GREB1L: variants seen among roughly 807,000 people sequenced by gnomAD.
The protein encoded by GREB1L is GREB1-like protein.
In GREB1L, 17 loss-of-function variants were observed where a neutral mutation model predicts 200.8. The ratio of observed to expected loss-of-function variants is 0.08; its 90% confidence interval spans 0.06 to 0.13. The LOEUF (loss-of-function observed/expected upper bound fraction) is 0.13. GREB1L is among the 10% of genes least tolerant of loss of function. The pLI is 1.00. For synonymous variants in GREB1L, 789 were observed against 893.0 expected (o/e 0.88, Z 2.08); for missense variants, 1,657 against 2,367.7 (o/e 0.70, Z 6.23).
At chr18:21,347,093 T>C (rs189218525) in intron 1 of GREB1L, among the ~76,000 whole-genome samples, 205 of 151,934 alleles carry the variant, frequency 1.3e-3, no homozygotes, top group Non-Finnish European at 2.5e-3. Context: ...GCCTGACCAA[T>C]ATGGTGAAAC....
intron 15 of GREB1L, among the ~76,000 whole-genome samples, chr18:21,464,724 TA>T (rs2035200636): frequency 6.6e-6 from 1 of 152,092 alleles, no homozygotes; most frequent in Non-Finnish European, 1.5e-5. Context: ...AAACTGACAT[TA>T]TGTGCAAAAA....
intron 23 of GREB1L, among the ~76,000 whole-genome samples, chr18:21,503,655 C>A (rs2036894073): frequency 6.6e-6 from 1 of 152,072 alleles, no homozygotes; most frequent in South Asian, 2.1e-4. Flanking sequence ...TGGCTCACTG[C>A]AACCTCTGCT....
At chr18:21,488,002 C>A in intron 18 of GREB1L, among the ~76,000 whole-genome samples, 1 of 148,352 alleles carries the variant, frequency 6.7e-6, no homozygotes, top group South Asian at 2.1e-4. Flanking sequence ...CAGAGTGAGA[C>A]TCCATCTCAA....
At chr18:21,438,240 T>A (rs2033669000) in intron 7 of GREB1L, among the ~76,000 whole-genome samples, 1 of 151,980 alleles carries the variant, frequency 6.6e-6, no homozygotes, top group Non-Finnish European at 1.5e-5. Context: ...ACCACCACAC[T>A]CCAGCCTGGA....
At chr18:21,417,098 A>G (rs1180330017) in intron 7 of GREB1L, among the ~76,000 whole-genome samples, 1 of 152,208 alleles carries the variant, frequency 6.6e-6, no homozygotes, top group Non-Finnish European at 1.5e-5. Context: ...AAAAGCAGCC[A>G]GAGAGAAAAG....
intron 19 of GREB1L, among the ~76,000 whole-genome samples, chr18:21,494,032 T>G (rs1298494235): frequency 6.6e-6 from 1 of 152,086 alleles, no homozygotes; most frequent in Non-Finnish European, 1.5e-5. Flanking sequence ...AGGGATACCA[T>G]GCGTCCAGTG....
chr18:21,375,698 C>T (rs1217766825), intron 2 of GREB1L, among the ~76,000 whole-genome samples: 2 of 152,104 alleles, frequency 1.3e-5, no homozygotes, highest in Non-Finnish European at 2.9e-5. Flanking sequence ...TTGGTTCTAC[C>T]CTGTTTACCT....
intron 1 of GREB1L, among the ~76,000 whole-genome samples, chr18:21,321,298 T>C (rs1028519707): frequency 6.6e-6 from 1 of 150,538 alleles, no homozygotes; most frequent in African/African-American, 2.4e-5. Context: ...AAAATAAAAT[T>C]AAATAAATAA....
intron 1 of GREB1L, among the ~76,000 whole-genome samples, chr18:21,304,700 G>C (rs2144727060): frequency 6.6e-6 from 1 of 151,658 alleles, no homozygotes; most frequent in Admixed American, 6.5e-5. Context: ...TGGAGGATCT[G>C]TTTAGAGAAA....
chr18:21,449,592 C>A lies in GREB1L; in HGVS notation c.1476C>A (p.Ala492=), dbSNP rs896930088. 15 of 1,551,260 alleles carry A rather than the reference C, an allele frequency of 9.7e-6. No individual in the cohort carries two copies. In the African/African-American group the frequency reaches 2.1e-4, roughly 21 times the overall value. ...AAGAATTTACTCTGAGAGAAAGAGCCCTGCAGATAGGTGCTCAGTGTGTCC... is the reference window on the plus strand; with the variant it reads ...AAGAATTTACTCTGAGAGAAAGAGCACTGCAGATAGGTGCTCAGTGTGTCC... ...AMQEFTLRER[A]LQIGAQCVPV... Residue 492 remains alanine (A), a synonymous_variant, in exon 12 of 33, where the codon GCC becomes GCA. Coordinates refer to ENST00000424526, the MANE Select transcript of GREB1L (RefSeq NM_001142966.3).
chr18:21,506,022 G>C, intron 25 of GREB1L, 73 bp downstream of exon 25: 1 of 1,425,908 alleles, frequency 7.0e-7, no homozygotes, highest in Non-Finnish European at 9.3e-7. Flanking sequence ...GGGGTGGAGG[G>C]ATGAAAAATA....
intron 1 of GREB1L, among the ~76,000 whole-genome samples, chr18:21,293,835 A>G (rs2038487271): frequency 6.6e-6 from 1 of 152,070 alleles, no homozygotes; most frequent in Non-Finnish European, 1.5e-5. Context: ...GCTGGAGTGC[A>G]GTGGAGTGAT....
intron 11 of GREB1L, 96 bp downstream of exon 11, chr18:21,444,505 T>G: frequency 6.1e-6 from 6 of 979,112 alleles, no homozygotes; most frequent in Non-Finnish European, 9.1e-6. Context: ...CTCCTATCTC[T>G]TATTTTCCCT....
rs140428399 is a variant in GREB1L, at chr18:21,397,653, A to G, written c.532+2092A>G. Among the ~76,000 whole-genome samples, 1,153 of 152,280 alleles carry G rather than the reference A, an allele frequency of 7.6e-3. 15 individuals carry two copies. Among genetic ancestry groups the G allele is most frequent in the African/African-American group, 0.026 (1,075 of 41,558 alleles). On this transcript the variant is annotated intron_variant, in intron 5 of 32. Coordinates refer to ENST00000424526, the MANE Select transcript of GREB1L (RefSeq NM_001142966.3). The stretch of plus-strand genomic sequence containing the variant: ...GAGGTGGAGCTTGCAGTGAGCCAAG[A>G]TGGCGCCCCTGCACTCTAGGCTGGG...
intron 32 of GREB1L, among the ~76,000 whole-genome samples, chr18:21,522,189 T>G (rs990533535): frequency 4.0e-5 from 6 of 151,482 alleles, no homozygotes; most frequent in African/African-American, 1.5e-4. Context: ...TTACTGAATT[T>G]GGGCTGGGCG....
chr18:21,293,994 C>G (rs2038490222), intron 1 of GREB1L, among the ~76,000 whole-genome samples: 1 of 152,040 alleles, frequency 6.6e-6, no homozygotes, highest in Non-Finnish European at 1.5e-5. Context: ...GTTGGCTAGG[C>G]TGGTCTTGAA....
chr18:21,487,146 C>T (rs2036158780), intron 18 of GREB1L, among the ~76,000 whole-genome samples: 1 of 152,190 alleles, frequency 6.6e-6, no homozygotes, highest in Admixed American at 6.5e-5. Context: ...TTTAAGCATT[C>T]CTACCCACCT....
At chr18:21,299,816 G>A (rs1382617668) in intron 1 of GREB1L, among the ~76,000 whole-genome samples, 1 of 151,840 alleles carries the variant, frequency 6.6e-6, no homozygotes, top group Admixed American at 6.6e-5. Context: ...TTGAAACTTG[G>A]GACTACTGAA....
chr18:21,447,209 C>T (rs1273182715), intron 11 of GREB1L, among the ~76,000 whole-genome samples: 2 of 151,972 alleles, frequency 1.3e-5, no homozygotes, highest in Admixed American at 1.3e-4. Flanking sequence ...CACTTGAGCC[C>T]AGAAGTTCAG....
Sources: allele counts gnomAD v4.1 joint callset (sites outside exome capture counted in the v4.1 genomes callset), GRCh38; gene constraint gnomAD v4.1.1; transcripts MANE v1.5; gene names NCBI Gene and HGNC (gene_info 2026-07-23, HGNC 2026-07-21).